The following ZNF16 variants were observed in gnomAD, a reference collection of about 807,000 sequenced individuals.
The protein encoded by ZNF16 is zinc finger protein 16.
Under a neutral mutation model 9.0 loss-of-function variants are expected in ZNF16, and 7 were observed. The ratio of observed to expected loss-of-function variants is 0.78; its 90% CI spans 0.44 to 1.47. The LOEUF (loss-of-function observed/expected upper bound fraction) is 1.47, where lower values mean the gene tolerates loss of function less well. Ranked by LOEUF, ZNF16 falls within the 40% of genes most tolerant of loss-of-function variation. ZNF16 has a pLI of 0.01. For missense variants in ZNF16, 830 were observed against 854.2 expected, an observed-to-expected ratio of 0.97 and a Z score of 0.35; for synonymous variants, 312 against 301.5, an observed-to-expected ratio of 1.03 and a Z score of -0.36.
rs151207421 is a variant in ZNF16, at chr8:144,933,048, C to CT, written c.197-459dup. Among the ~76,000 whole-genome samples, 4,869 of 152,244 alleles carry CT rather than the reference C, an allele frequency of 0.032. 165 individuals are homozygous for CT. The highest frequency in any genetic ancestry group is 0.089 in the African/African-American group (3,707 of 41,504). On this transcript the variant is annotated intron_variant, in intron 2 of 2. Transcript: ENST00000394909. This position sits in a 1 kb window ranked among gnomAD's most constrained non-coding sequence, Gnocchi z 5.6. ...TCCTTACACTGTTACATATTTCACC[C>CT]TTTTTTCTGTCCACACTGCCAGGTG... is the stretch of plus-strand genomic sequence containing the variant.
At position 144,930,609 on chromosome 8, in the gene ZNF16, T is replaced by C; in HGVS notation, c.*129A>G. The stretch of plus-strand genomic sequence containing the variant: ...TTTCAAAGGAGGGTCCCAGGCTATG[T>C]GGCCACTGGATGTAGGCAGTGAGCT... On this transcript the variant is annotated 3_prime_UTR_variant, in exon 3 of 3. Transcript: ENST00000394909. The C allele has an allele frequency of 9.9e-7, 1 of 1,012,756 alleles. No individual in the cohort carries two copies. Among genetic ancestry groups the C allele is most frequent in the Non-Finnish European group, 1.4e-6 (1 of 704,234 alleles). The allele number at this position is 1,012,756 out of a possible 1,614,324, so 62.7% of individuals were successfully genotyped here.
At chr8:144,941,662 T>C (rs575130375) in intron 2 of ZNF16, among the ~76,000 whole-genome samples, 3 of 146,642 alleles carry the variant, frequency 2.0e-5, no homozygotes, top group East Asian at 3.9e-4. Flanking sequence ...TTACTTCTTG[T>C]GTCCATTTTT....
intron 2 of ZNF16, among the ~76,000 whole-genome samples, chr8:144,936,863 T>C (rs1833693883): frequency 6.6e-6 from 1 of 151,428 alleles, no homozygotes; most frequent in African/African-American, 2.4e-5. Context: ...CCCAGCTAAG[T>C]TTTGTATTTT....
At position 144,946,133 on chromosome 8, in the gene ZNF16, G is replaced by T; in HGVS notation, c.74C>A (p.Pro25His). The change falls in exon 2 of 3, where the codon CCT (proline) becomes CAT (histidine). Residue 25 changes from proline to histidine, a missense_variant. Physicochemically the swap from Pro to His is moderately conservative, Grantham distance 77 (BLOSUM62 -2). Transcript: ENST00000394909. ...ATCTCTCACACGGGCCTGGGCTGCA[G>T]GGGTCCAGGGGGATGGTCCTGGAAC... is the stretch of plus-strand genomic sequence containing the variant. The part of the protein sequence containing the change: ...LSVPGPSPWT[P>H]AAQARVRDAP... 1.9e-6 allele frequency: 3 copies of T among 1,592,554 alleles called. No individual in the cohort carries two copies. Among genetic ancestry groups the T allele is most frequent in the Non-Finnish European group, 2.6e-6 (3 of 1,164,840 alleles).
rs181534055 is a variant in ZNF16 at position 144,949,224 on chromosome 8, G to A, written c.-10+1573C>T. Among the ~76,000 whole-genome samples the A allele has an allele frequency of 2.6e-5, 4 of 152,352 alleles. No homozygotes were observed. In the East Asian group the frequency reaches 7.7e-4, roughly 29 times the overall value. ...CCTCAGCACCTTCCCCCTTGGGGAA[G>A]AACTGGCCCAAACTCTCCTCCCTTC... On this transcript the variant is annotated intron_variant, in intron 1 of 2. Coordinates refer to ENST00000394909, the MANE Select transcript of ZNF16 (RefSeq NM_006958.3).
intron 1 of ZNF16, among the ~76,000 whole-genome samples, chr8:144,949,761 A>C (rs745434667): frequency 2.0e-5 from 3 of 152,242 alleles, no homozygotes; most frequent in Non-Finnish European, 4.4e-5. Flanking sequence ...GATAAGCCAC[A>C]GGGACTTCTG....
rs1833591001 is a variant in ZNF16 at position 144,932,836 on chromosome 8, T to A, written c.197-246A>T. Among the ~76,000 whole-genome samples the A allele has an allele frequency of 6.6e-6, 1 of 152,072 alleles. No individual in the cohort carries two copies. Among genetic ancestry groups the A allele is most frequent in the Admixed American group, 6.5e-5 (1 of 15,276 alleles). On this transcript the variant is annotated intron_variant, in intron 2 of 2. Transcript: ENST00000394909. The surrounding 1 kb of genome is among the most constrained non-coding windows in gnomAD (Gnocchi z 5.0). Reference sequence around the variant, plus strand: ...GACCCACCCTCCCTGGGACTCCACATCTCAGCAAACGTTACTGCGGTCTAC... The same window carrying A: ...GACCCACCCTCCCTGGGACTCCACAACTCAGCAAACGTTACTGCGGTCTAC...
Position 144,932,665 on chromosome 8 carries a change from AC to A in ZNF16, c.197-76del. On this transcript the variant is annotated intron_variant, in intron 2 of 2. Transcript: ENST00000394909. The surrounding 1 kb of genome is among the most constrained non-coding windows in gnomAD (Gnocchi z 5.0). ...CAGGAACATAGACAGTCACAGTTGCACCCACTAACTGTGGAGGAGGCAAGGG... is the reference window on the plus strand; with the variant it reads ...CAGGAACATAGACAGTCACAGTTGCACCACTAACTGTGGAGGAGGCAAGGG... 6.7e-7 allele frequency: 1 copy of A among 1,489,708 alleles called. No individual in the cohort carries two copies. The highest frequency in any genetic ancestry group is 9.1e-7 in the Non-Finnish European group (1 of 1,095,088). The allele number at this position is 1,489,708 out of a possible 1,614,324, so 92.3% of individuals were successfully genotyped here.
intron 2 of ZNF16, among the ~76,000 whole-genome samples, chr8:144,942,498 G>A (rs1454007441): frequency 6.6e-6 from 1 of 151,606 alleles, no homozygotes. Flanking sequence ...ATGTTGGCCA[G>A]GCTGGTCTCG....
chr8:144,946,606 T>TGGGCCTGTACCCTGCTG (rs1252773068), intron 1 of ZNF16, among the ~76,000 whole-genome samples: 1 of 82,324 alleles, frequency 1.2e-5, no homozygotes, highest in African/African-American at 5.0e-5. Flanking sequence ...TATCCTGCTG[T>TGGGCCTGTACCCTGCTG]TGGGCTTGTG....
intron 2 of ZNF16, among the ~76,000 whole-genome samples, chr8:144,943,223 T>C (rs1277424271): frequency 2.6e-5 from 4 of 152,210 alleles, no homozygotes; most frequent in African/African-American, 4.8e-5. Context: ...GCTAGAAATC[T>C]TACCCAGAAC....
chr8:144,945,842 G>A (rs1833911293), intron 2 of ZNF16, 169 bp downstream of exon 2: 1 of 1,336,434 alleles, frequency 7.5e-7, no homozygotes, highest in Admixed American at 2.7e-5. Flanking sequence ...CCAGGGGCCA[G>A]GCTAGGTTAA....
At chr8:144,937,208 G>A (rs1003453230) in intron 2 of ZNF16, among the ~76,000 whole-genome samples, 6 of 137,952 alleles carry the variant, frequency 4.3e-5, no homozygotes, top group African/African-American at 1.7e-4. Context: ...GTACACTGGT[G>A]CGATCTTGGC....
At position 144,936,184 on chromosome 8, in the gene ZNF16, C is replaced by A. The variant is rs138568129; in HGVS notation, c.197-3594G>T. ...ACAAATGGAATTATATAGTATGTGA[C>A]CTTTTGTGTCTGGCTTCTTTCACTC... On this transcript the variant is annotated intron_variant, in intron 2 of 2. Coordinates refer to ENST00000394909, the MANE Select transcript of ZNF16 (RefSeq NM_006958.3). Among the ~76,000 whole-genome samples the A allele has an allele frequency of 3.7e-3, 563 of 152,288 alleles. 5 individuals carry two copies. The highest frequency in any genetic ancestry group is 0.012 in the African/African-American group (514 of 41,564).
chr8:144,932,526 T>G lies in ZNF16; in HGVS notation c.261A>C (p.Glu87Asp), dbSNP rs192350838. The part of the protein sequence containing the change: ...LHKEDIHEDL[E>D]SQAEISENYA... The stretch of plus-strand genomic sequence containing the variant: ...AGTTTTCTGATATTTCTGCCTGTGA[T>G]TCCAAATCTTCATGAATGTCTTCCT... The change falls in exon 3 of 3, where the codon GAA becomes GAC. Residue 87 changes from glutamate to aspartate, a missense_variant. Transcript: ENST00000394909. This position sits in a 1 kb window ranked among gnomAD's most constrained non-coding sequence, Gnocchi z 5.0. The G allele has an allele frequency of 6.8e-5, 109 of 1,614,242 alleles. No homozygotes were observed. In the East Asian group the frequency reaches 2.4e-3, roughly 36 times the overall value.
chr8:144,930,598 C>T lies in ZNF16; in HGVS notation c.*140G>A, dbSNP rs377235120. On this transcript the variant is annotated 3_prime_UTR_variant, in exon 3 of 3. Coordinates refer to ENST00000394909, the MANE Select transcript of ZNF16 (RefSeq NM_006958.3). The stretch of plus-strand genomic sequence containing the variant: ...TGTAAAGGATGTTTCAAAGGAGGGT[C>T]CCAGGCTATGTGGCCACTGGATGTA... 2.2e-6 allele frequency: 2 copies of T among 902,032 alleles called. No homozygotes were observed. Among genetic ancestry groups the T allele is most frequent in the Non-Finnish European group, 3.3e-6 (2 of 606,318 alleles). The allele number at this position is 902,032 out of a possible 1,614,324, so 55.9% of individuals were successfully genotyped here. A position where few individuals can be genotyped will look rare whatever the true frequency, so the allele number is the denominator to read the frequency against.
chr8:144,932,273 G>C lies in ZNF16; in HGVS notation c.514C>G (p.Gln172Glu), dbSNP rs754344982. ...GGCCTCTCTTCTGTAGGGATTTCCT[G>C]ACATGCCATCAGGTTTGGGCTCAGA... ...FSLSPNLMACQEIPTEERPHP... is the reference protein window; with the variant it reads ...FSLSPNLMACEEIPTEERPHP... The change falls in exon 3 of 3, where the codon CAG (glutamine) becomes GAG (glutamate). Residue 172 changes from glutamine to glutamate, a missense_variant. Gln to Glu is a conservative substitution (Grantham distance 29, BLOSUM62 2). Transcript: ENST00000394909. This position sits in a 1 kb window ranked among gnomAD's most constrained non-coding sequence, Gnocchi z 5.0. 1.9e-5 allele frequency: 31 copies of C among 1,614,066 alleles called. No individual in the cohort carries two copies. Among genetic ancestry groups the C allele is most frequent in the Non-Finnish European group, 2.6e-5 (31 of 1,180,044 alleles).
Position 144,931,107 on chromosome 8 carries a change from G to C in ZNF16, c.1680C>G (p.Leu560=), listed in dbSNP as rs1444880646. The change falls in exon 3 of 3, where the codon CTC becomes CTG. Residue 560 remains leucine, a synonymous_variant. Transcript: ENST00000394909. ...CATTATGAATCCTCTGATGCTGAATGAGGGTTGAGCTCTGGCTGAAGGTTT... is the reference window on the plus strand; with the variant it reads ...CATTATGAATCCTCTGATGCTGAATCAGGGTTGAGCTCTGGCTGAAGGTTT... ...CGKTFSQSST[L]IQHQRIHNGL... 1.2e-6 allele frequency: 2 copies of C among 1,614,244 alleles called. No individual in the cohort carries two copies. Among genetic ancestry groups the C allele is most frequent in the Admixed American group, 3.3e-5 (2 of 60,028 alleles).
intron 2 of ZNF16, among the ~76,000 whole-genome samples, chr8:144,941,546 A>T (rs1727994349): frequency 6.6e-6 from 1 of 152,206 alleles, no homozygotes; most frequent in South Asian, 2.1e-4. Context: ...GACTTCTGCC[A>T]TTTTATTTAT....
Sources: gnomAD v4.1 joint callset for allele counts (sites outside exome capture counted in the v4.1 genomes callset) on GRCh38, gnomAD v4.1.1 for gene constraint, Gnocchi (gnomAD v3.1) non-coding constraint, MANE v1.5 for transcripts, NCBI Gene and HGNC (gene_info 2026-07-23, HGNC 2026-07-21) for gene names.